Variants in PER3 observed in about 807,000 individuals in gnomAD.
The protein encoded by PER3 is period circadian protein homolog 3.
In PER3, 107 loss-of-function variants were observed where a neutral mutation model predicts 127.2. The ratio of observed to expected loss-of-function variants is 0.84; its 90% CI spans 0.72 to 0.99. The LOEUF (loss-of-function observed/expected upper bound fraction) is 0.99. Among genes scored for constraint, PER3 ranks in the 50% least tolerant of loss-of-function variants. The pLI is 0.00. For missense variants in PER3, 1,560 were observed against 1,525.8 expected, an observed-to-expected ratio of 1.02 and a Z score of -0.37; for synonymous variants, 618 against 585.8, an observed-to-expected ratio of 1.05 and a Z score of -0.79.
Position 7,843,347 on chromosome 1 carries a change from C to T in PER3, c.*592C>T, listed in dbSNP as rs2097399751. 1.3e-5 allele frequency: 2 copies of T among 152,758 alleles called. No individual in the cohort carries two copies. The highest frequency in any genetic ancestry group is 1.3e-4 in the Admixed American group (2 of 15,288). The allele number at this position is 152,758 out of a possible 1,614,324, so 9.5% of individuals were successfully genotyped here. A position where few individuals can be genotyped will look rare whatever the true frequency, so the allele number is the denominator to read the frequency against. ...GTTTTGGGGGTTGAGTTTTGGCCTT[C>T]ATCCTTGTAGATCCCTTTCCTATTG... On this transcript the variant is annotated 3_prime_UTR_variant, in exon 22 of 22. Coordinates refer to ENST00000377532, the MANE Select transcript of PER3 (RefSeq NM_001377275.1).
chr1:7,829,929 TA>T lies in PER3; in HGVS notation c.2983del (p.Thr995LeufsTer12). 45 of 1,286,050 alleles carry T rather than the reference TA, an allele frequency of 3.5e-5. No homozygotes were observed. Among genetic ancestry groups the T allele is most frequent in the East Asian group, 1.2e-4 (2 of 17,066 alleles). 79.7% of individuals were successfully genotyped at this position (1,286,050 alleles called of 1,614,324 possible). ...SPPRENPSHPTASALSTGSPP... is the reference protein window; with the variant it reads ...SPPRENPSHPXASALSTGSPP... The stretch of plus-strand genomic sequence containing the variant: ...CTCCCAGGGAGAATCCATCCCATCC[TA>T]CTGCCAGCGCTCTGTCCACAGGATC... On this transcript the variant is annotated frameshift_variant, in exon 19 of 22. Transcript: ENST00000377532. LOFTEE classifies it high-confidence loss of function.
Position 7,837,094 on chromosome 1 carries a change from C to G in PER3, c.3494C>G (p.Ala1165Gly). ...QFSHGQKEEL[A>G]KVYNWIQSQT... The stretch of plus-strand genomic sequence containing the variant: ...TCTCATGGGCAAAAGGAGGAGCTGG[C>G]TAAGGTGTATAATTGGATTCAAAGC... Residue 1165 changes from alanine to glycine, a missense_variant, in exon 21 of 22, where the codon GCT becomes GGT. This residue lies in a region of PER3 where 199 missense variants were observed against 198.6 expected (regional missense o/e 1.00). Transcript: ENST00000377532. 6.2e-7 allele frequency: 1 copy of G among 1,613,964 alleles called. No individual in the cohort carries two copies. Among genetic ancestry groups the G allele is most frequent in the Non-Finnish European group, 8.5e-7 (1 of 1,179,904 alleles).
chr1:7,784,832 C>T lies in PER3; in HGVS notation c.-46C>T, dbSNP rs758949663. ...GACTGCAAAGTGAGCGAGAAGCAGG[C>T]TGCGGGCCGTCCCAGCACGACGTGG... On this transcript the variant is annotated 5_prime_UTR_variant, in exon 2 of 22. Transcript: ENST00000377532. 4 of 1,410,634 alleles carry T rather than the reference C, an allele frequency of 2.8e-6. No individual in the cohort carries two copies. The highest frequency in any genetic ancestry group is 3.7e-6 in the Non-Finnish European group (4 of 1,090,292). The allele number at this position is 1,410,634 out of a possible 1,614,324, so 87.4% of individuals were successfully genotyped here.
chr1:7,791,488 G>T (rs1229778723), intron 5 of PER3, among the ~76,000 whole-genome samples: 2 of 152,178 alleles, frequency 1.3e-5, no homozygotes, highest in Non-Finnish European at 2.9e-5. Flanking sequence ...TTCTCTCGTA[G>T]GCCTCAGCCT....
Position 7,843,888 on chromosome 1 carries a change from G to A in PER3, c.*1133G>A, listed in dbSNP as rs1578014382. 4.0e-6 allele frequency: 5 copies of A among 1,258,746 alleles called. No homozygotes were observed. Among genetic ancestry groups the A allele is most frequent in the African/African-American group, 1.6e-5 (1 of 63,212 alleles). 78.0% of individuals were successfully genotyped at this position (1,258,746 alleles called of 1,614,324 possible). A position where few individuals can be genotyped will look rare whatever the true frequency, so the allele number is the denominator to read the frequency against. On this transcript the variant is annotated 3_prime_UTR_variant, in exon 22 of 22. Coordinates refer to ENST00000377532, the MANE Select transcript of PER3 (RefSeq NM_001377275.1). The stretch of plus-strand genomic sequence containing the variant: ...ACTTGATAAATCAGCTCACTCTCTG[G>A]TGCTTTTTAGAGAAGTCCCTGATTC...
chr1:7,807,745 C>A (rs953495337), intron 10 of PER3, among the ~76,000 whole-genome samples: 8 of 152,084 alleles, frequency 5.3e-5, no homozygotes, highest in Non-Finnish European at 1.5e-5. Flanking sequence ...ACCAAGGTAC[C>A]CACAGGCAGT....
chr1:7,784,616 T>C (rs1558366621), intron 1 of PER3, 38 bp from the exon 2 acceptor site: 4 of 353,196 alleles, frequency 1.1e-5, no homozygotes, highest in Non-Finnish European at 5.1e-6. Flanking sequence ...GACTGTCTGT[T>C]CCATTTGTCC....
intron 13 of PER3, among the ~76,000 whole-genome samples, chr1:7,817,591 T>C (rs564328819): frequency 7.9e-5 from 12 of 152,252 alleles, no homozygotes; most frequent in Non-Finnish European, 1.3e-4. Flanking sequence ...ATGACCAGAC[T>C]CCTCACTATC....
intron 16 of PER3, among the ~76,000 whole-genome samples, chr1:7,825,776 A>G (rs1163200333): frequency 6.6e-6 from 1 of 152,106 alleles, no homozygotes; most frequent in Non-Finnish European, 1.5e-5. Context: ...CTGTAATTCC[A>G]GCTACTTGGG....
intron 3 of PER3, among the ~76,000 whole-genome samples, chr1:7,786,459 G>A (rs2097091344): frequency 6.6e-6 from 1 of 151,784 alleles, no homozygotes; most frequent in South Asian, 2.1e-4. Flanking sequence ...CAAAAAAATT[G>A]TGTATGCATC....
At chr1:7,813,592 C>CA (rs1237831089) in intron 13 of PER3, among the ~76,000 whole-genome samples, 1 of 152,002 alleles carries the variant, frequency 6.6e-6, no homozygotes. Flanking sequence ...TGAGAAAAAA[C>CA]AAAAAAATTA....
At chr1:7,801,425 G>T (rs1285183159) in intron 8 of PER3, among the ~76,000 whole-genome samples, 1 of 152,146 alleles carries the variant, frequency 6.6e-6, no homozygotes, top group African/African-American at 2.4e-5. Context: ...CTTTAGGTAG[G>T]CCAAGAATTA....
Position 7,844,123 on chromosome 1 carries a change from C to A in PER3, c.*1368C>A, listed in dbSNP as rs373472769. 1 of 298,882 alleles carries A rather than the reference C, an allele frequency of 3.3e-6. No homozygotes were observed. The highest frequency in any genetic ancestry group is 5.1e-5 in the South Asian group (1 of 19,482). The allele number at this position is 298,882 out of a possible 1,614,324, so 18.5% of individuals were successfully genotyped here. ...GAAGTTTTACAGCTTTTTGTAAATG[C>A]GTCCTGATAATGATTAGGAAAATCG... is the stretch of plus-strand genomic sequence containing the variant. On this transcript the variant is annotated 3_prime_UTR_variant, in exon 22 of 22. Coordinates refer to ENST00000377532, the MANE Select transcript of PER3 (RefSeq NM_001377275.1).
chr1:7,810,645 G>A lies in PER3; in HGVS notation c.1522+57G>A, dbSNP rs1000206182. 5.3e-6 allele frequency: 8 copies of A among 1,500,646 alleles called. No homozygotes were observed. The East Asian group carries it at 1.8e-4, about 34-fold the overall frequency. 93.0% of individuals were successfully genotyped at this position (1,500,646 alleles called of 1,614,324 possible). On this transcript the variant is annotated intron_variant, in intron 13 of 21. Coordinates refer to ENST00000377532, the MANE Select transcript of PER3 (RefSeq NM_001377275.1). The stretch of plus-strand genomic sequence containing the variant: ...TCCATGGGCTGTCACTCTCTGCATA[G>A]ACGTCATGTATGTGATTCGTGAGCA...
In PER3 at chr1:7,810,682, C is replaced by T. The variant is rs987177444; in HGVS notation, c.1522+94C>T. ...GTGATTCGTGAGCATAAAGTCATGA[C>T]CCTGTGTTGCTGCTTTTCATATTTC... is the stretch of plus-strand genomic sequence containing the variant. On this transcript the variant is annotated intron_variant, in intron 13 of 21. Transcript: ENST00000377532. 1.2e-5 allele frequency: 14 copies of T among 1,188,290 alleles called. No homozygotes were observed. In the Admixed American group the frequency reaches 3.2e-4, roughly 27 times the overall value. 73.6% of individuals were successfully genotyped at this position (1,188,290 alleles called of 1,614,324 possible). A position where few individuals can be genotyped will look rare whatever the true frequency, so the allele number is the denominator to read the frequency against.
At chr1:7,809,790 T>A in intron 11 of PER3, 103 bp from the exon 12 acceptor site, 1 of 1,096,770 alleles carries the variant, frequency 9.1e-7, no homozygotes, top group Non-Finnish European at 1.3e-6. Flanking sequence ...ATTTAGTATT[T>A]CAGGAATTGT....
Position 7,805,018 on chromosome 1 carries a change from G to A in PER3, c.1136+1170G>A, listed in dbSNP as rs145782072. ...CCAGTAGCTGGGATTACAGGTGCAC[G>A]CCACCACACCCAGCTCATTTTTGTA... On this transcript the variant is annotated intron_variant, in intron 10 of 21. Transcript: ENST00000377532. Among the ~76,000 whole-genome samples the A allele has an allele frequency of 4.9e-3, 744 of 152,052 alleles. 8 individuals are homozygous for A. Among genetic ancestry groups the A allele is most frequent in the African/African-American group, 0.017 (713 of 41,466 alleles).
At chr1:7,807,112 A>C (rs1040828280) in intron 10 of PER3, among the ~76,000 whole-genome samples, 15 of 152,136 alleles carry the variant, frequency 9.9e-5, no homozygotes, top group Admixed American at 7.2e-4. Context: ...CTGAAGATCC[A>C]GGAGTGAACA....
rs780911414 is a variant in PER3 at position 7,810,475 on chromosome 1, T to C, written c.1409T>C (p.Ile470Thr). ...CAGGTCTATGCCAGTGTGAACAAAATTAAAAATCTGGGTCAGCAGCTCTAC... is the reference window on the plus strand; with the variant it reads ...CAGGTCTATGCCAGTGTGAACAAAACTAAAAATCTGGGTCAGCAGCTCTAC... The part of the protein sequence containing the change: ...LQQVYASVNK[I>T]KNLGQQLYIE... The change falls in exon 13 of 22, where the codon ATT (isoleucine) becomes ACT (threonine). Residue 470 changes from isoleucine to threonine, a missense_variant. By Grantham distance (89) the Ile-to-Thr change is moderately conservative. This residue lies in a region of PER3 where 1,332 missense variants were observed against 1,223.6 expected (regional missense o/e 1.09). Coordinates refer to ENST00000377532, the MANE Select transcript of PER3 (RefSeq NM_001377275.1). 2 of 1,612,848 alleles carry C rather than the reference T, an allele frequency of 1.2e-6. No individual in the cohort carries two copies. Among genetic ancestry groups the C allele is most frequent in the South Asian group, 2.2e-5 (2 of 90,922 alleles).
Sources: gnomAD v4.1 joint callset for allele counts (sites outside exome capture counted in the v4.1 genomes callset) on GRCh38, gnomAD v4.1.1 for gene constraint, gnomAD v4.1.1 regional missense constraint, MANE v1.5 for transcripts, NCBI Gene and HGNC (gene_info 2026-07-23, HGNC 2026-07-21) for gene names.